Variants in CNNM3 observed in about 807,000 individuals in gnomAD.
CNNM3 encodes the protein metal transporter CNNM3.
Under a neutral mutation model 57.1 loss-of-function variants are expected in CNNM3, and 47 were observed. That is an observed-to-expected ratio of 0.82 (90% confidence interval 0.65 to 1.05). The LOEUF is 1.05. CNNM3 is among the 50% of genes least tolerant of loss of function. The pLI, the probability that CNNM3 is intolerant of heterozygous loss-of-function variation, is 0.00. For missense variants in CNNM3, 957 were observed against 973.7 expected, an observed-to-expected ratio of 0.98 and a Z score of 0.23; for synonymous variants, 507 against 478.2, an observed-to-expected ratio of 1.06 and a Z score of -0.79.
chr2:96,830,342 C>T (rs573419859), intron 7 of CNNM3, among the ~76,000 whole-genome samples: 27 of 152,270 alleles, frequency 1.8e-4, no homozygotes, highest in Middle Eastern at 6.8e-3. Context: ...CTAACCTCCC[C>T]GTGGCCAGAG....
At chr2:96,820,203 G>C (rs969346034) in intron 1 of CNNM3, among the ~76,000 whole-genome samples, 1 of 152,206 alleles carries the variant, frequency 6.6e-6, no homozygotes, top group Non-Finnish European at 1.5e-5. Flanking sequence ...CTGGAGAGGA[G>C]CCCCAAGAGG....
chr2:96,817,256 C>A lies in CNNM3; in HGVS notation c.979C>A (p.Leu327Met), dbSNP rs1239192904. 6.2e-7 allele frequency: 1 copy of A among 1,611,160 alleles called. No homozygotes were observed. The highest frequency in any genetic ancestry group is 1.1e-5 in the South Asian group (1 of 91,052). Residue 327 changes from leucine to methionine, a missense_variant, in exon 1 of 8, where the codon CTG becomes ATG. This residue lies in a region of CNNM3 where 491 missense variants were observed against 570.6 expected (regional missense o/e 0.86). Coordinates refer to ENST00000305510, the MANE Select transcript of CNNM3 (RefSeq NM_017623.5). ...VLTPLEDCFMLDASTVLDFGV... is the reference protein window; with the variant it reads ...VLTPLEDCFMMDASTVLDFGV... ...CACGCCCCTCGAAGACTGCTTCATG[C>A]TGGACGCCAGCACCGTGCTGGACTT...
At position 96,826,968 on chromosome 2, in the gene CNNM3, G is replaced by T. The variant is rs140196514; in HGVS notation, c.1505G>T (p.Arg502Leu). ...ISPQLLLATQ[R>L]FLSREVDVFS... ...CCTCAGCTGCTCTTGGCCACCCAGCGCTTCCTGTCCCGAGGTGAGGCGGGA... is the reference window on the plus strand; with the variant it reads ...CCTCAGCTGCTCTTGGCCACCCAGCTCTTCCTGTCCCGAGGTGAGGCGGGA... The change falls in exon 3 of 8, where the codon CGC (arginine) becomes CTC (leucine). Residue 502 changes from arginine to leucine, a missense_variant. Around this residue, in one of 2 missense-constraint regions of CNNM3, gnomAD observed 491 missense variants for 570.6 expected, o/e 0.86. Transcript: ENST00000305510. 1 of 1,614,012 alleles carries T rather than the reference G, an allele frequency of 6.2e-7. No individual in the cohort carries two copies. The highest frequency in any genetic ancestry group is 1.7e-5 in the Admixed American group (1 of 60,020).
chr2:96,826,480 C>T (rs1227313594), intron 2 of CNNM3, among the ~76,000 whole-genome samples: 2 of 152,312 alleles, frequency 1.3e-5, no homozygotes, highest in East Asian at 1.9e-4. Flanking sequence ...TCCTAAAGTG[C>T]TAGGGTTACA....
intron 3 of CNNM3, 130 bp from the exon 4 acceptor site, chr2:96,827,601 G>A (rs2079530665): frequency 1.2e-6 from 1 of 826,804 alleles, no homozygotes; most frequent in East Asian, 2.6e-5. Context: ...GGTGTTAGGG[G>A]CAGCTGCTCA....
Position 96,828,125 on chromosome 2 carries a change from A to G in CNNM3, c.1716A>G (p.Lys572=), listed in dbSNP as rs753046382. The change falls in exon 5 of 8, where the codon AAA becomes AAG. Residue 572 remains lysine (K), a synonymous_variant. Coordinates refer to ENST00000305510, the MANE Select transcript of CNNM3 (RefSeq NM_017623.5). ...GCAGGGTTGAAGTGGAGATCGGGAAAGAGGGTCTGAAGTTTGAGAATGGGG... is the reference window on the plus strand; with the variant it reads ...GCAGGGTTGAAGTGGAGATCGGGAAGGAGGGTCTGAAGTTTGAGAATGGGG... ...LQGRVEVEIG[K]EGLKFENGAF... 3.1e-6 allele frequency: 5 copies of G among 1,614,002 alleles called. No homozygotes were observed. Among genetic ancestry groups the G allele is most frequent in the South Asian group, 2.2e-5 (2 of 91,084 alleles).
In CNNM3 at chr2:96,835,308, T is replaced by C. The variant is rs2079673872; in HGVS notation, c.*2692T>C. Among the ~76,000 whole-genome samples the C allele has an allele frequency of 6.6e-6, 1 of 152,186 alleles. No homozygotes were observed. Among genetic ancestry groups the C allele is most frequent in the Admixed American group, 6.6e-5 (1 of 15,266 alleles). ...GAGTGGTATTCCGTGGTGTATGCAT[T>C]GGCCCCCTGAAGGACACCTGGGATG... On this transcript the variant is annotated 3_prime_UTR_variant, in exon 8 of 8. Transcript: ENST00000305510.
Position 96,816,680 on chromosome 2 carries a change from T to C in CNNM3, c.403T>C (p.Trp135Arg), listed in dbSNP as rs905088464. 6.7e-5 allele frequency: 69 copies of C among 1,022,498 alleles called. No individual in the cohort carries two copies. The African/African-American group carries it at 1.2e-3, about 17-fold the overall frequency. The allele number at this position is 1,022,498 out of a possible 1,614,324, so 63.3% of individuals were successfully genotyped here. A position where few individuals can be genotyped will look rare whatever the true frequency, so the allele number is the denominator to read the frequency against. ...GGAAEEAAPP[W>R]ALGLGAAGLL... The stretch of plus-strand genomic sequence containing the variant: ...GGCGGCTGAGGAGGCGGCGCCGCCC[T>C]GGGCTCTGGGCCTGGGGGCGGCCGG... The change falls in exon 1 of 8, where the codon TGG becomes CGG. Residue 135 changes from tryptophan (W) to arginine (R), a missense_variant. By Grantham distance (101) the Trp-to-Arg change is moderately radical. Around this residue, in one of 2 missense-constraint regions of CNNM3, gnomAD observed 466 missense variants for 403.1 expected, o/e 1.16. Transcript: ENST00000305510.
intron 5 of CNNM3, 164 bp from the exon 6 acceptor site, chr2:96,828,403 C>T: frequency 1.0e-6 from 1 of 962,762 alleles, no homozygotes; most frequent in Non-Finnish European, 1.5e-6. Context: ...CCTGCAAAAC[C>T]TCTCCCGGCT....
At chr2:96,819,535 C>T (rs941305980) in intron 1 of CNNM3, among the ~76,000 whole-genome samples, 1 of 152,160 alleles carries the variant, frequency 6.6e-6, no homozygotes, top group Non-Finnish European at 1.5e-5. Context: ...AGCTGTTTGC[C>T]AATCCAGGAG....
At chr2:96,836,005 T>C (rs763877824), downstream of CNNM3, among the ~76,000 whole-genome samples, 1 of 152,168 alleles carries the variant, frequency 6.6e-6, no homozygotes, top group Non-Finnish European at 1.5e-5. Context: ...TGTTGAGTTT[T>C]GAGAGTTCTT....
At chr2:96,823,189 A>C (rs930269142) in intron 1 of CNNM3, among the ~76,000 whole-genome samples, 13 of 152,198 alleles carry the variant, frequency 8.5e-5, no homozygotes, top group Non-Finnish European at 8.8e-5. Flanking sequence ...GAATCATCCC[A>C]GTGTGGCAGG....
chr2:96,824,951 AG>A, intron 1 of CNNM3, 106 bp from the exon 2 acceptor site: 5 of 1,265,826 alleles, frequency 3.9e-6, no homozygotes, highest in Non-Finnish European at 5.6e-6. Context: ...GGCACGTTGT[AG>A]GAGCATGAAC....
chr2:96,816,343 C>T lies in CNNM3; in HGVS notation c.66C>T (p.Asn22=), dbSNP rs747194533. Residue 22 remains asparagine (N), a synonymous_variant, in exon 1 of 8, where the codon AAC becomes AAT. Coordinates refer to ENST00000305510, the MANE Select transcript of CNNM3 (RefSeq NM_017623.5). ...TGTTCGCCGCGCTCTGCCTGGGCAA[C>T]GCCGCGGGGGAGGCCGCGCCGGGCC... is the stretch of plus-strand genomic sequence containing the variant. ...GWLFAALCLG[N]AAGEAAPGPR... is the part of the protein sequence containing the mutation. 2 of 1,290,504 alleles carry T rather than the reference C, an allele frequency of 1.5e-6. No homozygotes were observed. Among genetic ancestry groups the T allele is most frequent in the Admixed American group, 8.2e-5 (2 of 24,314 alleles). 79.9% of individuals were successfully genotyped at this position (1,290,504 alleles called of 1,614,324 possible).
chr2:96,836,035 T>A (rs2079686284), downstream of CNNM3, among the ~76,000 whole-genome samples: 1 of 152,010 alleles, frequency 6.6e-6, no homozygotes, highest in Non-Finnish European at 1.5e-5. Context: ...TTTATGGGAT[T>A]TTTGGTTTCC....
chr2:96,817,343 C>G lies in CNNM3; in HGVS notation c.1066C>G (p.Arg356Gly). Residue 356 changes from arginine to glycine, a missense_variant, in exon 1 of 8, where the codon CGC becomes GGC. Physicochemically the swap from Arg to Gly is moderately radical, Grantham distance 125. Around this residue, in one of 2 missense-constraint regions of CNNM3, gnomAD observed 491 missense variants for 570.6 expected, o/e 0.86. Transcript: ENST00000305510. The part of the protein sequence containing the change: ...HTRIPVYEEE[R>G]SNIVDMLYLK... ...GCGCATCCCGGTGTACGAGGAGGAGCGCTCCAACATCGTGGACATGCTCTA... is the reference window on the plus strand; with the variant it reads ...GCGCATCCCGGTGTACGAGGAGGAGGGCTCCAACATCGTGGACATGCTCTA... 1.2e-6 allele frequency: 2 copies of G among 1,614,144 alleles called. No individual in the cohort carries two copies. Among genetic ancestry groups the G allele is most frequent in the Non-Finnish European group, 1.7e-6 (2 of 1,180,038 alleles).
intron 1 of CNNM3, 79 bp from the exon 2 acceptor site, chr2:96,824,979 T>G: frequency 6.5e-7 from 1 of 1,537,320 alleles, no homozygotes; most frequent in Non-Finnish European, 8.9e-7. Flanking sequence ...CGTGTCCTTT[T>G]GGTGGGCCTA....
At chr2:96,819,871 G>A (rs865991081) in intron 1 of CNNM3, among the ~76,000 whole-genome samples, 1 of 152,222 alleles carries the variant, frequency 6.6e-6, no homozygotes, top group Non-Finnish European at 1.5e-5. Flanking sequence ...AACCGCCAGT[G>A]TCAGGATCTT....
intron 4 of CNNM3, 66 bp from the exon 5 acceptor site, chr2:96,828,033 T>C: frequency 6.3e-7 from 1 of 1,576,682 alleles, no homozygotes; most frequent in Non-Finnish European, 8.7e-7. Context: ...GGTTTCTCCT[T>C]CCGCTGTCTT....
Sources: allele counts gnomAD v4.1 joint callset (sites outside exome capture counted in the v4.1 genomes callset), GRCh38; gene constraint gnomAD v4.1.1; regional missense constraint gnomAD v4.1.1; transcripts MANE v1.5; gene names NCBI Gene and HGNC (gene_info 2026-07-23, HGNC 2026-07-21).